FHIT: variants seen among roughly 807,000 people sequenced by gnomAD.
FHIT encodes fragile histidine triad diadenosine triphosphatase, also known as bis(5'-adenosyl)-triphosphatase.
In FHIT, 19 loss-of-function variants were observed where a neutral mutation model predicts 17.9. The observed-to-expected ratio is 1.06, with a 90% CI of 0.74 to 1.56. The LOEUF (loss-of-function observed/expected upper bound fraction) is 1.56. FHIT is among the 40% of genes most tolerant of loss of function. FHIT has a pLI of 0.00. For synonymous variants in FHIT, 81 were observed against 69.7 expected, an observed-to-expected ratio of 1.16 and a Z score of -0.81; for missense variants, 248 against 189.2, an observed-to-expected ratio of 1.31 and a Z score of -1.82.
At chr3:60,452,434 T>C (rs964876663) in intron 5 of FHIT, among the ~76,000 whole-genome samples, 4 of 152,264 alleles carry the variant, frequency 2.6e-5, no homozygotes, top group Admixed American at 1.3e-4. Context: ...AGTGGTAACA[T>C]AGTAATTATT....
intron 2 of FHIT, among the ~76,000 whole-genome samples, chr3:61,095,555 G>A (rs1021109782): frequency 7.2e-5 from 11 of 152,190 alleles, no homozygotes; most frequent in Non-Finnish European, 1.6e-4. Context: ...TATCCACGAA[G>A]AATGACTCTG....
At chr3:60,642,289 G>C (rs2039745061) in intron 4 of FHIT, among the ~76,000 whole-genome samples, 1 of 152,164 alleles carries the variant, frequency 6.6e-6, no homozygotes, top group Non-Finnish European at 1.5e-5. Context: ...TGCCCCCAAA[G>C]GGTAATTTAC....
chr3:60,623,078 C>G (rs1217161928), intron 4 of FHIT, among the ~76,000 whole-genome samples: 1 of 152,204 alleles, frequency 6.6e-6, no homozygotes, highest in Non-Finnish European at 1.5e-5. Flanking sequence ...TTTTGCCTGT[C>G]TTGTTCAAGA....
In FHIT at chr3:59,857,091, G is replaced by C. The variant is rs192036482; in HGVS notation, c.348+65255C>G. On this transcript the variant is annotated intron_variant, in intron 8 of 9. Coordinates refer to ENST00000492590, the MANE Select transcript of FHIT (RefSeq NM_002012.4). The stretch of plus-strand genomic sequence containing the variant: ...GGAGCTGATATTACCAGCTGCTATC[G>C]GGGACACAGCACTTCCTCTGAGGGG... Among the ~76,000 whole-genome samples, 890 of 152,286 alleles carry C rather than the reference G, an allele frequency of 5.8e-3. 6 individuals are homozygous for C. The highest frequency in any genetic ancestry group is 0.012 in the African/African-American group (483 of 41,542).
intron 2 of FHIT, among the ~76,000 whole-genome samples, chr3:61,190,465 A>G (rs1250312603): frequency 6.6e-6 from 1 of 152,152 alleles, no homozygotes; most frequent in South Asian, 2.1e-4. Flanking sequence ...AAATAGGAAC[A>G]CTGTTACACT....
intron 2 of FHIT, among the ~76,000 whole-genome samples, chr3:61,044,361 T>C (rs1278120286): frequency 6.6e-6 from 1 of 152,088 alleles, no homozygotes; most frequent in African/African-American, 2.4e-5. Flanking sequence ...GCCAATTCGA[T>C]CAAGTGGAAG....
intron 3 of FHIT, among the ~76,000 whole-genome samples, chr3:60,951,341 CA>C (rs1404438104): frequency 6.6e-6 from 1 of 152,158 alleles, no homozygotes; most frequent in Non-Finnish European, 1.5e-5. Context: ...TTCCCTTCAA[CA>C]GAAACTGTTT....
At chr3:60,988,946 T>TAAAAAAAA (rs535898632) in intron 3 of FHIT, among the ~76,000 whole-genome samples, 7 of 34,334 alleles carry the variant, frequency 2.0e-4, no homozygotes, top group Non-Finnish European at 2.9e-4. Flanking sequence ...ATGGCTTTGT[T>TAAAAAAAA]AAAAAAAAAA....
chr3:59,877,926 G>C (rs1703236953), intron 8 of FHIT, among the ~76,000 whole-genome samples: 2 of 152,104 alleles, frequency 1.3e-5, no homozygotes, highest in South Asian at 4.1e-4. Context: ...ACTCAGACCT[G>C]GACAAAATGT....
chr3:60,708,409 C>A (rs1232243878), intron 4 of FHIT, among the ~76,000 whole-genome samples: 1 of 152,184 alleles, frequency 6.6e-6, no homozygotes, highest in East Asian at 1.9e-4. Context: ...TTGTATTCAG[C>A]CCCTATAGAA....
chr3:61,212,150 G>A (rs542904822), intron 1 of FHIT, among the ~76,000 whole-genome samples: 13 of 152,364 alleles, frequency 8.5e-5, no homozygotes, highest in Non-Finnish European at 1.3e-4. Context: ...AAGCTGGATG[G>A]AAAATGACTT....
intron 4 of FHIT, among the ~76,000 whole-genome samples, chr3:60,722,693 C>T (rs961047429): frequency 3.4e-5 from 5 of 145,330 alleles, no homozygotes; most frequent in Admixed American, 3.4e-4. Flanking sequence ...TGGTTGAAAA[C>T]TGTTACCTTA....
At chr3:61,002,655 C>T (rs1162954340) in intron 3 of FHIT, among the ~76,000 whole-genome samples, 2 of 152,194 alleles carry the variant, frequency 1.3e-5, no homozygotes, top group East Asian at 1.9e-4. Flanking sequence ...CCACTCACTA[C>T]TTCTATGACA....
chr3:59,984,592 T>C (rs753455470), intron 7 of FHIT, among the ~76,000 whole-genome samples: 1 of 151,978 alleles, frequency 6.6e-6, no homozygotes, highest in African/African-American at 2.4e-5. Context: ...GTAAAAGGCA[T>C]GTGAAATAGA....
At position 59,772,471 on chromosome 3, in the gene FHIT, G is replaced by C. The variant is rs182002478; in HGVS notation, c.349-20150C>G. ...TTTACATTTATTCATTAATCTTCATGACCATCTTATCAGGGTGGCAGTGTT... is the reference window on the plus strand; with the variant it reads ...TTTACATTTATTCATTAATCTTCATCACCATCTTATCAGGGTGGCAGTGTT... On this transcript the variant is annotated intron_variant, in intron 8 of 9. Transcript: ENST00000492590. Among the ~76,000 whole-genome samples the C allele has an allele frequency of 1.1e-4, 16 of 152,304 alleles. No individual in the cohort carries two copies. The East Asian group carries it at 3.1e-3, about 29-fold the overall frequency.
intron 3 of FHIT, among the ~76,000 whole-genome samples, chr3:60,899,310 C>G (rs1705984468): frequency 6.6e-6 from 1 of 152,196 alleles, no homozygotes; most frequent in South Asian, 2.1e-4. Flanking sequence ...TCTTTTTACA[C>G]TTCCTGTGAA....
At chr3:60,418,377 T>C (rs1206986749) in intron 5 of FHIT, among the ~76,000 whole-genome samples, 4 of 780 alleles carry the variant, frequency 5.1e-3, no homozygotes, top group African/African-American at 7.4e-3. Flanking sequence ...TGAATGTGTG[T>C]ATATATATAT....
chr3:61,084,959 C>T (rs1005278469), intron 2 of FHIT, among the ~76,000 whole-genome samples: 1 of 152,134 alleles, frequency 6.6e-6, no homozygotes, highest in African/African-American at 2.4e-5. Context: ...TGAAGCATAT[C>T]CAGGTTATTT....
chr3:61,185,318 T>A (rs1424000097), intron 2 of FHIT, among the ~76,000 whole-genome samples: 1 of 152,168 alleles, frequency 6.6e-6, no homozygotes, highest in Non-Finnish European at 1.5e-5. Context: ...ACACTGATTA[T>A]TTTCCTTACA....
Sources: allele counts gnomAD v4.1 joint callset (sites outside exome capture counted in the v4.1 genomes callset), GRCh38; gene constraint gnomAD v4.1.1; transcripts MANE v1.5; gene names NCBI Gene and HGNC (gene_info 2026-07-23, HGNC 2026-07-21).